Variants in AUTS2 observed in about 807,000 individuals in gnomAD.
AUTS2 encodes autism susceptibility gene 2 protein.
In AUTS2, 17 loss-of-function variants were observed where a neutral mutation model predicts 112.4. The observed-to-expected ratio is 0.15, with a 90% CI of 0.10 to 0.23. The LOEUF (loss-of-function observed/expected upper bound fraction) is 0.23, where lower values mean the gene tolerates loss of function less well. Among genes scored for constraint, AUTS2 ranks in the 10% least tolerant of loss-of-function variants. The probability of loss-of-function intolerance (pLI) is 1.00; values close to 1 mark genes in which losing one functional copy is unlikely to be tolerated. For missense variants in AUTS2, 1,510 were observed against 1,701.6 expected (o/e 0.89, Z 1.98); for synonymous variants, 751 against 702.7 (o/e 1.07, Z -1.09).
intron 5 of AUTS2, among the ~76,000 whole-genome samples, chr7:70,474,286 C>T (rs956648876): frequency 5.3e-5 from 8 of 152,170 alleles, no homozygotes; most frequent in African/African-American, 1.9e-4. Context: ...ATTGTGGTGC[C>T]CCCCAGGGCA....
chr7:69,757,684 C>T (rs773770716), intron 1 of AUTS2, among the ~76,000 whole-genome samples: 4 of 152,114 alleles, frequency 2.6e-5, no homozygotes, highest in Non-Finnish European at 5.9e-5. Flanking sequence ...TTACTGTTTG[C>T]CTGCAGTTAT....
chr7:70,234,710 T>G (rs1812230019), intron 4 of AUTS2, among the ~76,000 whole-genome samples: 1 of 152,184 alleles, frequency 6.6e-6, no homozygotes, highest in African/African-American at 2.4e-5. Context: ...ATTGGGCTAT[T>G]TGGGTGGTGG....
intron 2 of AUTS2, among the ~76,000 whole-genome samples, chr7:69,963,217 A>T (rs1222877091): frequency 2.6e-5 from 4 of 152,106 alleles, no homozygotes; most frequent in African/African-American, 9.7e-5. Flanking sequence ...TAAGTTATTA[A>T]TAATAATAAT....
At chr7:70,280,762 C>A (rs1279344577) in intron 4 of AUTS2, among the ~76,000 whole-genome samples, 1 of 152,134 alleles carries the variant, frequency 6.6e-6, no homozygotes, top group Admixed American at 6.6e-5. Context: ...TGGATTGACA[C>A]ATTATTAGCC....
At chr7:69,721,983 CG>C (rs1798970992) in intron 1 of AUTS2, among the ~76,000 whole-genome samples, 1 of 151,850 alleles carries the variant, frequency 6.6e-6, no homozygotes, top group East Asian at 1.9e-4. Context: ...TATTGATAGG[CG>C]TTTGGACCTT....
At chr7:70,266,674 A>G (rs1051631666) in intron 4 of AUTS2, among the ~76,000 whole-genome samples, 6 of 152,026 alleles carry the variant, frequency 3.9e-5, no homozygotes, top group African/African-American at 1.5e-4. Flanking sequence ...ATCAAACTGT[A>G]CTCTTAAAAT....
At chr7:69,863,179 G>A (rs1212394255) in intron 1 of AUTS2, among the ~76,000 whole-genome samples, 1 of 152,102 alleles carries the variant, frequency 6.6e-6, no homozygotes, top group Non-Finnish European at 1.5e-5. Flanking sequence ...AACCATGCAT[G>A]GAAAGTATTT....
intron 4 of AUTS2, among the ~76,000 whole-genome samples, chr7:70,325,183 G>C (rs1790429342): frequency 6.6e-6 from 1 of 152,046 alleles, no homozygotes; most frequent in South Asian, 2.1e-4. Context: ...ATCATTACAG[G>C]CATTGTGGCT....
intron 5 of AUTS2, among the ~76,000 whole-genome samples, chr7:70,448,490 C>G (rs1038475095): frequency 2.6e-5 from 4 of 152,212 alleles, no homozygotes; most frequent in Non-Finnish European, 5.9e-5. Flanking sequence ...TTGATCTTCC[C>G]TGCTAGATTA....
chr7:70,379,574 GC>G (rs1362207376), intron 4 of AUTS2, among the ~76,000 whole-genome samples: 1 of 152,108 alleles, frequency 6.6e-6, no homozygotes, highest in Non-Finnish European at 1.5e-5. Flanking sequence ...CAGAATTGAG[GC>G]CATTCTGTGT....
intron 4 of AUTS2, among the ~76,000 whole-genome samples, chr7:70,161,848 A>G (rs1043952457): frequency 1.3e-5 from 2 of 152,222 alleles, no homozygotes; most frequent in East Asian, 1.9e-4. Context: ...TTTTTTACAA[A>G]CTTTTCTAAA....
chr7:70,124,241 A>G (rs1805841629), intron 3 of AUTS2, among the ~76,000 whole-genome samples: 1 of 152,144 alleles, frequency 6.6e-6, no homozygotes, highest in African/African-American at 2.4e-5. Flanking sequence ...CTCCTTATAG[A>G]TGCTCGATAT....
chr7:70,281,912 C>T (rs1788233675), intron 4 of AUTS2, among the ~76,000 whole-genome samples: 1 of 152,152 alleles, frequency 6.6e-6, no homozygotes, highest in African/African-American at 2.4e-5. Flanking sequence ...CCACCCCAAC[C>T]CCCTGACCCA....
chr7:69,765,007 T>G (rs931413121), intron 1 of AUTS2, among the ~76,000 whole-genome samples: 2 of 152,220 alleles, frequency 1.3e-5, no homozygotes, highest in Admixed American at 6.5e-5. Flanking sequence ...TCTGAGAGTT[T>G]TAAAGAATTT....
intron 1 of AUTS2, among the ~76,000 whole-genome samples, chr7:69,796,200 C>T (rs1458919111): frequency 2.0e-5 from 3 of 152,068 alleles, no homozygotes; most frequent in South Asian, 4.1e-4. Context: ...TAATTGAAGA[C>T]GGATGGAGTG....
rs141164365 is a variant in AUTS2, at chr7:70,769,374, A to AAAGT, written c.1734+1310_1734+1313dup. 6.4e-3 allele frequency among the ~76,000 whole-genome samples: 973 copies of AAAGT among 152,298 alleles called. 27 individuals are homozygous for AAAGT. The highest frequency in any genetic ancestry group is 0.045 in the Admixed American group (688 of 15,294). ...CCCTTAGTCTATACTCTGCTGATTT[A>AAAGT]AAGTAAGGACCAGCTAACAAAATAA... On this transcript the variant is annotated intron_variant, in intron 10 of 18. Transcript: ENST00000342771.
At chr7:69,624,347 T>A (rs1008974054) in intron 1 of AUTS2, among the ~76,000 whole-genome samples, 5 of 152,118 alleles carry the variant, frequency 3.3e-5, no homozygotes, top group Non-Finnish European at 5.9e-5. Flanking sequence ...TAGTTTTTTT[T>A]AAAAAAAGTT....
chr7:70,700,311 A>G (rs1262213349), intron 6 of AUTS2, among the ~76,000 whole-genome samples: 1 of 152,134 alleles, frequency 6.6e-6, no homozygotes, highest in Non-Finnish European at 1.5e-5. Flanking sequence ...GTTGCCTTGA[A>G]AGGATTAAGG....
At chr7:70,171,906 G>GT (rs1179716760) in intron 4 of AUTS2, among the ~76,000 whole-genome samples, 1 of 144,568 alleles carries the variant, frequency 6.9e-6, no homozygotes, top group Non-Finnish European at 1.5e-5. Context: ...TTTTTTTTTT[G>GT]GGGGGGGGTA....
Sources: allele counts gnomAD v4.1 joint callset (sites outside exome capture counted in the v4.1 genomes callset), GRCh38; gene constraint gnomAD v4.1.1; transcripts MANE v1.5; gene names NCBI Gene and HGNC (gene_info 2026-07-23, HGNC 2026-07-21).